The following MAN1C1 variants were observed in gnomAD, a reference collection of about 807,000 sequenced individuals.
MAN1C1 encodes mannosyl-oligosaccharide 1,2-alpha-mannosidase IC.
A neutral mutation model predicts 71.5 loss-of-function variants in MAN1C1; 49 were observed. The observed-to-expected ratio is 0.69, with a 90% confidence interval of 0.54 to 0.87. The LOEUF (loss-of-function observed/expected upper bound fraction) is 0.87, where lower values mean the gene tolerates loss of function less well. Among genes scored for constraint, MAN1C1 ranks in the 40% least tolerant of loss-of-function variants. MAN1C1 has a pLI of 0.00. For missense variants in MAN1C1, 743 were observed against 835.0 expected (o/e 0.89, Z 1.36); for synonymous variants, 352 against 343.7 (o/e 1.02, Z -0.27).
In MAN1C1 at chr1:25,634,808, A is replaced by C. The variant is rs896108776; in HGVS notation, c.540+16471A>C. Reference sequence around the variant, plus strand: ...GCACTCCAGCCTGGGCAACAGAGCGAGACTCTGTCTCAAAAAAAAATAATA... The same window carrying C: ...GCACTCCAGCCTGGGCAACAGAGCGCGACTCTGTCTCAAAAAAAAATAATA... On this transcript the variant is annotated intron_variant, in intron 1 of 11. Coordinates refer to ENST00000374332, the MANE Select transcript of MAN1C1 (RefSeq NM_020379.4). This position sits in a 1 kb window ranked among gnomAD's most constrained non-coding sequence, Gnocchi z 4.6. 2.0e-5 allele frequency among the ~76,000 whole-genome samples: 3 copies of C among 152,140 alleles called. No homozygotes were observed. Among genetic ancestry groups the C allele is most frequent in the Non-Finnish European group, 4.4e-5 (3 of 68,024 alleles).
chr1:25,698,737 G>A (rs1210557749), intron 2 of MAN1C1, among the ~76,000 whole-genome samples: 2 of 151,748 alleles, frequency 1.3e-5, no homozygotes, highest in African/African-American at 2.4e-5. Flanking sequence ...AGATCACAAG[G>A]TCAGGAGTTT....
chr1:25,739,747 C>G (rs2047033167), intron 2 of MAN1C1, among the ~76,000 whole-genome samples: 1 of 152,190 alleles, frequency 6.6e-6, no homozygotes, highest in Non-Finnish European at 1.5e-5. Flanking sequence ...CATGTTGTCA[C>G]TCTGGGCAGC....
At chr1:25,673,205 A>C (rs2046017245) in intron 1 of MAN1C1, among the ~76,000 whole-genome samples, 2 of 152,150 alleles carry the variant, frequency 1.3e-5, no homozygotes, top group Admixed American at 1.3e-4. Flanking sequence ...GAAGACGATG[A>C]ATGGGAAGCC....
At chr1:25,747,917 T>C (rs2047152704) in intron 3 of MAN1C1, among the ~76,000 whole-genome samples, 1 of 144,916 alleles carries the variant, frequency 6.9e-6, no homozygotes, top group Admixed American at 6.7e-5. Flanking sequence ...CTGATACTGA[T>C]GTAAAGTGAG....
chr1:25,643,245 A>AATTT (rs1491198107), intron 1 of MAN1C1, among the ~76,000 whole-genome samples: 3 of 121,060 alleles, frequency 2.5e-5, no homozygotes, highest in Non-Finnish European at 4.6e-5. Context: ...TTAATTAATT[A>AATTT]ATTAATTAAT....
At chr1:25,700,712 A>C (rs2046430556) in intron 2 of MAN1C1, among the ~76,000 whole-genome samples, 1 of 152,250 alleles carries the variant, frequency 6.6e-6, no homozygotes, top group Non-Finnish European at 1.5e-5. Flanking sequence ...GGAATCACAC[A>C]GATACTAGAA....
chr1:25,662,609 A>G (rs1252059431), intron 1 of MAN1C1, among the ~76,000 whole-genome samples: 1 of 152,196 alleles, frequency 6.6e-6, no homozygotes, highest in Non-Finnish European at 1.5e-5. Context: ...GCCCATCCGT[A>G]AACTCCAAAT....
chr1:25,701,879 GAGAAA>G (rs2046448808), intron 2 of MAN1C1, among the ~76,000 whole-genome samples: 1 of 152,162 alleles, frequency 6.6e-6, no homozygotes, highest in Non-Finnish European at 1.5e-5. Flanking sequence ...GGCCAACATG[GAGAAA>G]CCTTAACTCT....
At position 25,746,767 on chromosome 1, in the gene MAN1C1, G is replaced by T; in HGVS notation, c.737G>T (p.Ser246Ile). ...GAGGCCAAGGCCTGGGTGGGAGAGA[G>T]CTTCCACCTGAACGTGGTGAGTCAG... ...FQEAKAWVGE[S>I]FHLNVSGEAS... is the part of the protein sequence containing the mutation. The change falls in exon 3 of 12, where the codon AGC becomes ATC. Residue 246 changes from serine (S) to isoleucine (I), a missense_variant. Ser to Ile is a moderately radical substitution (Grantham distance 142). Coordinates refer to ENST00000374332, the MANE Select transcript of MAN1C1 (RefSeq NM_020379.4). The surrounding 1 kb of genome is among the most constrained non-coding windows in gnomAD (Gnocchi z 4.0). 7.1e-7 allele frequency: 1 copy of T among 1,415,074 alleles called. No homozygotes were observed. The highest frequency in any genetic ancestry group is 9.5e-7 in the Non-Finnish European group (1 of 1,052,970). The allele number at this position is 1,415,074 out of a possible 1,614,324, so 87.7% of individuals were successfully genotyped here. A position where few individuals can be genotyped will look rare whatever the true frequency, so the allele number is the denominator to read the frequency against.
chr1:25,756,871 T>C (rs1371406131), intron 5 of MAN1C1, among the ~76,000 whole-genome samples: 1 of 152,172 alleles, frequency 6.6e-6, no homozygotes, highest in African/African-American at 2.4e-5. Context: ...TGGCACACTA[T>C]ACCGGCTCAA....
At chr1:25,770,353 G>A (rs546255343) in intron 7 of MAN1C1, among the ~76,000 whole-genome samples, 1 of 152,378 alleles carries the variant, frequency 6.6e-6, no homozygotes, top group African/African-American at 2.4e-5. Context: ...GGGGCCGGAA[G>A]GGCGAGTGTA....
intron 1 of MAN1C1, among the ~76,000 whole-genome samples, chr1:25,665,321 C>T (rs949871139): frequency 1.3e-5 from 2 of 152,088 alleles, no homozygotes; most frequent in African/African-American, 4.8e-5. Flanking sequence ...CAGCCATTTG[C>T]CATCACAATA....
rs1321301404 is a variant in MAN1C1 at position 25,769,315 on chromosome 1, GC to G, written c.1142-2337del. Among the ~76,000 whole-genome samples the G allele has an allele frequency of 6.8e-6, 1 of 147,382 alleles. No homozygotes were observed. The highest frequency in any genetic ancestry group is 1.5e-5 in the Non-Finnish European group (1 of 66,776). Reference sequence around the variant, plus strand: ...CCCATACCCCTCAGCACACACACACGCCCCCATACACCTACATACACCACAC... The same window carrying G: ...CCCATACCCCTCAGCACACACACACGCCCCATACACCTACATACACCACAC... On this transcript the variant is annotated intron_variant, in intron 7 of 11. Transcript: ENST00000374332. The surrounding 1 kb of genome is among the most constrained non-coding windows in gnomAD (Gnocchi z 4.8).
rs2047654913 is a variant in MAN1C1 at position 25,778,776 on chromosome 1, A to G, written c.1477+452A>G. On this transcript the variant is annotated intron_variant, in intron 9 of 11. Transcript: ENST00000374332. This position sits in a 1 kb window ranked among gnomAD's most constrained non-coding sequence, Gnocchi z 5.5. Reference sequence around the variant, plus strand: ...CGGCACCCTCCTTAGAGGGGGTTTCACCGCCTCCTGCTCCCACCTGTTTAG... The same window carrying G: ...CGGCACCCTCCTTAGAGGGGGTTTCGCCGCCTCCTGCTCCCACCTGTTTAG... Among the ~76,000 whole-genome samples, 1 of 151,970 alleles carries G rather than the reference A, an allele frequency of 6.6e-6. No individual in the cohort carries two copies. Among genetic ancestry groups the G allele is most frequent in the Non-Finnish European group, 1.5e-5 (1 of 67,982 alleles).
At chr1:25,664,297 T>C (rs553556957) in intron 1 of MAN1C1, among the ~76,000 whole-genome samples, 1 of 152,082 alleles carries the variant, frequency 6.6e-6, no homozygotes, top group East Asian at 1.9e-4. Context: ...ATTTTTCATA[T>C]GAGGCATTTG....
intron 1 of MAN1C1, among the ~76,000 whole-genome samples, chr1:25,632,969 G>A (rs1269523102): frequency 2.7e-5 from 4 of 150,106 alleles, no homozygotes; most frequent in Non-Finnish European, 5.9e-5. Flanking sequence ...CCAGGTTCAA[G>A]TGATTCTCCT....
intron 1 of MAN1C1, among the ~76,000 whole-genome samples, chr1:25,681,065 A>T (rs532575010): frequency 2.0e-5 from 3 of 149,922 alleles, no homozygotes; most frequent in Non-Finnish European, 3.0e-5. Context: ...TACTAAAAAT[A>T]AAAAAAAAAT....
chr1:25,663,129 TTTATA>T (rs1193667278), intron 1 of MAN1C1, among the ~76,000 whole-genome samples: 1 of 148,116 alleles, frequency 6.8e-6, no homozygotes, highest in Non-Finnish European at 1.5e-5. Flanking sequence ...TATTTATTTA[TTTATA>T]TTATTTATTT....
intron 2 of MAN1C1, among the ~76,000 whole-genome samples, chr1:25,690,352 G>A (rs1207520090): frequency 6.8e-6 from 1 of 146,164 alleles, no homozygotes; most frequent in Non-Finnish European, 1.5e-5. Context: ...GAGTGCAGTA[G>A]TGCGATCTCA....
Sources: allele counts gnomAD v4.1 joint callset (sites outside exome capture counted in the v4.1 genomes callset), GRCh38; gene constraint gnomAD v4.1.1; non-coding constraint Gnocchi (gnomAD v3.1); transcripts MANE v1.5; gene names NCBI Gene and HGNC (gene_info 2026-07-23, HGNC 2026-07-21).